The following WWTR1 variants were observed in gnomAD, a reference collection of about 807,000 sequenced individuals.
WWTR1 encodes WW domain containing transcription regulator 1.
In WWTR1, 13 loss-of-function variants were observed where a neutral mutation model predicts 40.1. The ratio of observed to expected loss-of-function variants is 0.32; its 90% CI spans 0.21 to 0.52. The LOEUF is 0.52. Among genes scored for constraint, WWTR1 ranks in the 20% least tolerant of loss-of-function variants. The pLI is 0.97. For synonymous variants in WWTR1, 230 were observed against 210.1 expected, an observed-to-expected ratio of 1.09 and a Z score of -0.82; for missense variants, 436 against 523.1, an observed-to-expected ratio of 0.83 and a Z score of 1.63.
intron 5 of WWTR1, among the ~76,000 whole-genome samples, chr3:149,708,888 T>A (rs1212082758): frequency 1.3e-5 from 2 of 152,216 alleles, no homozygotes; most frequent in African/African-American, 4.8e-5. Context: ...AGAATCTCCA[T>A]ACTGTTTTCC....
chr3:149,544,507 T>C (rs970577554), intron 3 of WWTR1, among the ~76,000 whole-genome samples: 2 of 152,182 alleles, frequency 1.3e-5, no homozygotes, highest in Non-Finnish European at 2.9e-5. Flanking sequence ...GAGTGGCTTA[T>C]GGAACATGAA....
chr3:149,547,062 C>A (rs965712940), intron 3 of WWTR1, among the ~76,000 whole-genome samples: 1 of 152,016 alleles, frequency 6.6e-6, no homozygotes, highest in African/African-American at 2.4e-5. Context: ...TTCCTTAAAA[C>A]CACCGCTTTT....
upstream of WWTR1, among the ~76,000 whole-genome samples, chr3:149,661,979 C>A (rs1713602658): frequency 6.6e-6 from 1 of 152,120 alleles, no homozygotes; most frequent in Non-Finnish European, 1.5e-5. Context: ...GATCCACCCG[C>A]CTCCACCTCC....
At chr3:149,601,684 C>T (rs1447578551) in intron 2 of WWTR1, among the ~76,000 whole-genome samples, 1 of 150,518 alleles carries the variant, frequency 6.6e-6, no homozygotes, top group Non-Finnish European at 1.5e-5. Flanking sequence ...AACAAAGCTA[C>T]AATGACCCAG....
intron 5 of WWTR1, among the ~76,000 whole-genome samples, chr3:149,715,445 G>A (rs1368604900): frequency 2.0e-5 from 3 of 152,236 alleles, no homozygotes; most frequent in South Asian, 2.1e-4. Context: ...GCCAGCACTC[G>A]GAACTGCCTG....
At chr3:149,699,913 T>C (rs550422753) in intron 1 of WWTR1, among the ~76,000 whole-genome samples, 2 of 152,338 alleles carry the variant, frequency 1.3e-5, no homozygotes, top group South Asian at 4.1e-4. Context: ...TCTTTATAGC[T>C]ACACCCCACT....
Position 149,520,942 on chromosome 3 carries a change from G to T in WWTR1, c.1066C>A (p.Arg356Ser), listed in dbSNP as rs150073251. The T allele has an allele frequency of 1.2e-6, 2 of 1,612,956 alleles. No homozygotes were observed. The highest frequency in any genetic ancestry group is 1.7e-6 in the Non-Finnish European group (2 of 1,179,566). ...AGACAGTCAAGGAAATCAGGGAAAC[G>T]GGTCTGTTGGGGATTGATGTTCATG... is the stretch of plus-strand genomic sequence containing the variant. ...TPMNINPQQT[R>S]FPDFLDCLPG... The change falls in exon 7 of 7, where the codon CGT (arginine) becomes AGT (serine). Residue 356 changes from arginine to serine, a missense_variant. Transcript: ENST00000360632.
At chr3:149,701,113 CT>C (rs1442707444) in intron 1 of WWTR1, among the ~76,000 whole-genome samples, 5 of 152,122 alleles carry the variant, frequency 3.3e-5, no homozygotes, top group Admixed American at 6.5e-5. Context: ...CTCTTCTCCC[CT>C]GTCCTGATTT....
intron 2 of WWTR1, among the ~76,000 whole-genome samples, chr3:149,645,149 A>T (rs576678262): frequency 3.3e-5 from 5 of 149,606 alleles, no homozygotes; most frequent in Admixed American, 2.7e-4. Context: ...GCGCGATCTC[A>T]GCTCACTACA....
At chr3:149,665,897 T>G (rs1041454305) in intron 2 of WWTR1, among the ~76,000 whole-genome samples, 1 of 152,178 alleles carries the variant, frequency 6.6e-6, no homozygotes, top group Non-Finnish European at 1.5e-5. Flanking sequence ...TTATTTTGGG[T>G]GTGATGAGAG....
At chr3:149,596,250 T>G (rs1738999303) in intron 2 of WWTR1, among the ~76,000 whole-genome samples, 1 of 152,188 alleles carries the variant, frequency 6.6e-6, no homozygotes, top group Non-Finnish European at 1.5e-5. Flanking sequence ...GAAAGTTGTT[T>G]GGATGTTTTC....
chr3:149,718,691 T>C (rs1262747657), intron 4 of WWTR1, among the ~76,000 whole-genome samples: 1 of 152,232 alleles, frequency 6.6e-6, no homozygotes, highest in Non-Finnish European at 1.5e-5. Context: ...TCTATGATTT[T>C]GACTACTTTA....
At chr3:149,562,533 AT>A (rs1274635525) in intron 3 of WWTR1, among the ~76,000 whole-genome samples, 1 of 152,012 alleles carries the variant, frequency 6.6e-6, no homozygotes, top group Non-Finnish European at 1.5e-5. Flanking sequence ...ATGGAAAAAA[AT>A]AACATTCTTG....
intron 2 of WWTR1, among the ~76,000 whole-genome samples, chr3:149,649,608 G>A (rs1712730171): frequency 6.6e-6 from 1 of 152,134 alleles, no homozygotes; most frequent in South Asian, 2.1e-4. Flanking sequence ...TGCAAGTAAA[G>A]AATAAGCTGA....
intron 5 of WWTR1, among the ~76,000 whole-genome samples, chr3:149,710,582 C>CTTTTT (rs757279745): frequency 2.2e-5 from 1 of 44,642 alleles, no homozygotes; most frequent in Non-Finnish European, 3.7e-5. Flanking sequence ...CCCCCCCCCC[C>CTTTTT]TTTTTTTTTT....
At chr3:149,648,080 T>C (rs1712637376) in intron 2 of WWTR1, among the ~76,000 whole-genome samples, 1 of 152,188 alleles carries the variant, frequency 6.6e-6, no homozygotes, top group African/African-American at 2.4e-5. Context: ...ACCTATATCT[T>C]TGCCACTTTT....
intron 2 of WWTR1, among the ~76,000 whole-genome samples, chr3:149,589,993 T>C (rs1738620353): frequency 1.3e-5 from 2 of 152,204 alleles, no homozygotes; most frequent in South Asian, 4.1e-4. Flanking sequence ...TGCTGTCACA[T>C]TCTATTAAAC....
intron 3 of WWTR1, among the ~76,000 whole-genome samples, chr3:149,567,402 C>A (rs1047586840): frequency 8.5e-5 from 13 of 152,152 alleles, no homozygotes; most frequent in Non-Finnish European, 1.9e-4. Flanking sequence ...CTGTGAATGA[C>A]CTGACAGTCA....
intron 1 of WWTR1, among the ~76,000 whole-genome samples, chr3:149,675,997 G>A (rs1227040074): frequency 2.0e-5 from 3 of 152,066 alleles, no homozygotes; most frequent in Non-Finnish European, 2.9e-5. Flanking sequence ...GAGCCACCGC[G>A]CCCAGCCTAG....
Sources: allele counts gnomAD v4.1 joint callset (sites outside exome capture counted in the v4.1 genomes callset), GRCh38; gene constraint gnomAD v4.1.1; transcripts MANE v1.5; gene names NCBI Gene and HGNC (gene_info 2026-07-23, HGNC 2026-07-21).